Variants in GAB1 observed in about 807,000 individuals in gnomAD.
The protein encoded by GAB1 is GRB2-associated-binding protein 1.
A neutral mutation model predicts 66.5 loss-of-function variants in GAB1; 19 were observed. The observed-to-expected ratio is 0.29, with a 90% CI of 0.20 to 0.42. GAB1 has a LOEUF of 0.42. GAB1 is among the 10% of genes least tolerant of loss of function. The pLI, the probability that GAB1 is intolerant of heterozygous loss-of-function variation, is 1.00. For missense variants in GAB1, 732 were observed against 858.5 expected (o/e 0.85, Z 1.84); for synonymous variants, 294 against 301.4 (o/e 0.98, Z 0.25).
intron 1 of GAB1, chr4:143,380,529 GTAAAT>G (rs1339580134): frequency 1.3e-5 from 2 of 152,190 alleles, no homozygotes; most frequent in African/African-American, 4.8e-5. Context: ...GACTTAGAAA[GTAAAT>G]TAGAGGATTG....
chr4:143,373,885 A>ATATATATATATATATATATATATATTTT (rs1730291843), intron 1 of GAB1, among the ~76,000 whole-genome samples: 1 of 137,590 alleles, frequency 7.3e-6, no homozygotes, highest in African/African-American at 2.8e-5. Context: ...ATATATATAT[A>ATATATATATATATATATATATATATTTT]TTTTTACCTT....
intron 6 of GAB1, among the ~76,000 whole-genome samples, chr4:143,455,976 G>A (rs889975618): frequency 5.9e-5 from 9 of 152,188 alleles, no homozygotes; most frequent in Admixed American, 1.3e-4. Context: ...CTCTGCCTCC[G>A]GTTAAAGTGT....
chr4:143,415,826 A>G (rs1732650349), intron 2 of GAB1, 55 bp downstream of exon 2: 1 of 1,274,538 alleles, frequency 7.8e-7, no homozygotes, highest in Non-Finnish European at 1.1e-6. Flanking sequence ...CTACATTTCC[A>G]GAAATGTCAT....
intron 1 of GAB1, among the ~76,000 whole-genome samples, chr4:143,363,932 C>T (rs1008967177): frequency 6.6e-6 from 1 of 152,076 alleles, no homozygotes; most frequent in Non-Finnish European, 1.5e-5. Flanking sequence ...GCCGTGGTGG[C>T]TCAGGCCTGT....
intron 2 of GAB1, among the ~76,000 whole-genome samples, chr4:143,417,781 AG>A (rs1375301594): frequency 6.6e-6 from 1 of 152,172 alleles, no homozygotes; most frequent in Admixed American, 6.5e-5. Context: ...CTCAACATGT[AG>A]GTAGGGGACT....
At chr4:143,368,697 A>G (rs888992530) in intron 1 of GAB1, among the ~76,000 whole-genome samples, 2 of 152,028 alleles carry the variant, frequency 1.3e-5, no homozygotes, top group African/African-American at 4.8e-5. Context: ...AACTCATTCA[A>G]TGTGCATTTT....
intron 2 of GAB1, among the ~76,000 whole-genome samples, chr4:143,432,520 A>G (rs933955506): frequency 2.6e-5 from 4 of 152,214 alleles, no homozygotes; most frequent in Admixed American, 2.0e-4. Flanking sequence ...GGGTCTTTCT[A>G]ACAGATTGAA....
intron 1 of GAB1, among the ~76,000 whole-genome samples, chr4:143,370,403 A>C (rs1340052847): frequency 6.6e-6 from 1 of 151,852 alleles, no homozygotes; most frequent in Admixed American, 6.6e-5. Context: ...CCAGTGTAGA[A>C]CAAGGATTGT....
rs962817466 is a variant in GAB1, at chr4:143,437,146, TA to T, written c.594-844del. Among the ~76,000 whole-genome samples, 28 of 151,182 alleles carry T rather than the reference TA, an allele frequency of 1.9e-4. No homozygotes were observed. In the East Asian group the frequency reaches 2.8e-3, roughly 15 times the overall value. The stretch of plus-strand genomic sequence containing the variant: ...AAGAAGTCAGGGAAGGTAAGCCCTT[TA>T]AAAAAAAATCATAGTTATTTAAAGA... On this transcript the variant is annotated intron_variant, in intron 3 of 9. Transcript: ENST00000262994.
At chr4:143,436,608 G>C (rs969301118) in intron 3 of GAB1, among the ~76,000 whole-genome samples, 1 of 152,130 alleles carries the variant, frequency 6.6e-6, no homozygotes, top group Non-Finnish European at 1.5e-5. Flanking sequence ...ACGCGGCTAA[G>C]AAGAAGGGCT....
intron 6 of GAB1, among the ~76,000 whole-genome samples, chr4:143,453,985 T>C (rs543220839): frequency 1.2e-4 from 18 of 152,198 alleles, no homozygotes; most frequent in Non-Finnish European, 7.4e-5. Flanking sequence ...CTGGGCAGTC[T>C]TAGAGAATGT....
At chr4:143,375,190 T>C (rs1225412782) in intron 1 of GAB1, among the ~76,000 whole-genome samples, 1 of 152,196 alleles carries the variant, frequency 6.6e-6, no homozygotes, top group Admixed American at 6.5e-5. Flanking sequence ...TCAGGCGATG[T>C]GCCCGCCTTG....
chr4:143,418,293 C>T (rs1732805142), intron 2 of GAB1, among the ~76,000 whole-genome samples: 1 of 152,220 alleles, frequency 6.6e-6, no homozygotes, highest in Admixed American at 6.5e-5. Context: ...AACGTGGTCA[C>T]AGTGTAAGTG....
intron 2 of GAB1, among the ~76,000 whole-genome samples, chr4:143,423,792 G>GTATATATATATATATATATA (rs35559967): frequency 4.4e-5 from 3 of 67,760 alleles, no homozygotes; most frequent in Non-Finnish European, 5.7e-5. Flanking sequence ...AAAAAAAAGT[G>GTATATATATATATATATATA]TATATATATA....
chr4:143,448,407 A>G (rs1734691248), intron 6 of GAB1, among the ~76,000 whole-genome samples: 1 of 151,866 alleles, frequency 6.6e-6, no homozygotes, highest in African/African-American at 2.4e-5. Flanking sequence ...TTCAGCTGTG[A>G]ATCCATCTGG....
chr4:143,349,560 G>A, intron 1 of GAB1: 1 of 1,503,096 alleles, frequency 6.7e-7, no homozygotes, highest in Non-Finnish European at 9.0e-7. Context: ...CAGTGCCCCT[G>A]GGTGCAGGGA....
At chr4:143,350,151 A>G (rs1361273757) in intron 1 of GAB1, 2 of 808,326 alleles carry the variant, frequency 2.5e-6, no homozygotes, top group African/African-American at 1.7e-5. Context: ...CTGATTTTTA[A>G]AAGAAAATAT....
At chr4:143,457,615 T>TTAAAA in intron 6 of GAB1, 1 of 497,708 alleles carries the variant, frequency 2.0e-6, no homozygotes, top group Non-Finnish European at 3.3e-6. Flanking sequence ...TTTTTTTTTT[T>TTAAAA]ACAGAATCCA....
At chr4:143,364,581 C>T (rs1047574439) in intron 1 of GAB1, among the ~76,000 whole-genome samples, 2 of 152,146 alleles carry the variant, frequency 1.3e-5, no homozygotes, top group African/African-American at 4.8e-5. Flanking sequence ...TGTCCAGAGT[C>T]AAGTCTGTCT....
Sources: gnomAD v4.1 joint callset for allele counts (sites outside exome capture counted in the v4.1 genomes callset) on GRCh38, gnomAD v4.1.1 for gene constraint, MANE v1.5 for transcripts, NCBI Gene and HGNC (gene_info 2026-07-23, HGNC 2026-07-21) for gene names.